RPTOR: variants seen among roughly 807,000 people sequenced by gnomAD.
The protein encoded by RPTOR is regulatory associated protein of MTOR complex 1.
A neutral mutation model predicts 169.9 loss-of-function variants in RPTOR; 21 were observed. That is an observed-to-expected ratio of 0.12 (90% CI 0.09 to 0.18). RPTOR has a LOEUF of 0.18. Among genes scored for constraint, RPTOR ranks in the 10% least tolerant of loss-of-function variants. The probability of loss-of-function intolerance (pLI) is 1.00; values close to 1 mark genes in which losing one functional copy is unlikely to be tolerated. For synonymous variants in RPTOR, 732 were observed against 753.2 expected (o/e 0.97, Z 0.46); for missense variants, 1,133 against 1,855.9 (o/e 0.61, Z 7.16).
chr17:80,546,293 C>A (rs1789942186), intron 1 of RPTOR, among the ~76,000 whole-genome samples: 1 of 152,246 alleles, frequency 6.6e-6, no homozygotes, highest in African/African-American at 2.4e-5. Context: ...CACTGAACTT[C>A]ATTCTAGTCT....
intron 13 of RPTOR, among the ~76,000 whole-genome samples, chr17:80,859,457 T>TC (rs1195929577): frequency 1.3e-5 from 2 of 152,202 alleles, no homozygotes; most frequent in African/African-American, 4.8e-5. Context: ...CCTTTAGCTG[T>TC]CCGTGTGCGG....
chr17:80,687,629 T>G (rs2065958646), intron 3 of RPTOR, among the ~76,000 whole-genome samples: 2 of 152,070 alleles, frequency 1.3e-5, no homozygotes. Flanking sequence ...GGTGTCTGCG[T>G]GGAGAAATGC....
At chr17:80,962,694 C>A in intron 32 of RPTOR, 117 bp downstream of exon 32, 1 of 1,117,952 alleles carries the variant, frequency 8.9e-7, no homozygotes, top group Non-Finnish European at 1.3e-6. Context: ...GAGGATTTCA[C>A]TGCTGTGGGG....
rs1193416021 is a variant in RPTOR at position 80,625,964 on chromosome 17, C to T, written c.265+171C>T. ...CTTTGAGTAATTTCCGATGCGCTCA[C>T]CTGTGATTGGTAGTGGAGAGAGTGT... is the stretch of plus-strand genomic sequence containing the variant. On this transcript the variant is annotated intron_variant, in intron 2 of 33. Coordinates refer to ENST00000306801, the MANE Select transcript of RPTOR (RefSeq NM_020761.3). 3.9e-5 allele frequency among the ~76,000 whole-genome samples: 6 copies of T among 152,318 alleles called. No homozygotes were observed. The East Asian group carries it at 1.2e-3, about 29-fold the overall frequency.
At chr17:80,918,499 G>GA (rs1567986206) in intron 21 of RPTOR, among the ~76,000 whole-genome samples, 10 of 21,280 alleles carry the variant, frequency 4.7e-4, no homozygotes, top group African/African-American at 1.3e-3. Context: ...CCCTCGCGGG[G>GA]GTCATAGCCA....
intron 1 of RPTOR, among the ~76,000 whole-genome samples, chr17:80,614,274 T>C (rs1249838166): frequency 6.6e-6 from 1 of 152,242 alleles, no homozygotes; most frequent in Non-Finnish European, 1.5e-5. Context: ...AGGGGGCCTG[T>C]CCTCAGTGTT....
chr17:80,918,524 GGGGTC>G (rs1237359985), intron 21 of RPTOR, among the ~76,000 whole-genome samples: 2 of 70,078 alleles, frequency 2.9e-5, no homozygotes, highest in Non-Finnish European at 6.4e-5. Flanking sequence ...CACCCTCGCG[GGGGTC>G]ATAGCCATGA....
intron 9 of RPTOR, among the ~76,000 whole-genome samples, chr17:80,836,210 A>G (rs115091047): frequency 3.9e-4 from 60 of 152,352 alleles, no homozygotes; most frequent in African/African-American, 1.3e-3. Context: ...GCTAGTGGGT[A>G]GCAGAGCTGG....
intron 3 of RPTOR, among the ~76,000 whole-genome samples, chr17:80,673,705 T>C (rs1345105138): frequency 6.6e-6 from 1 of 152,218 alleles, no homozygotes; most frequent in East Asian, 1.9e-4. Context: ...TTTCAATTCT[T>C]CAAAGAAATC....
chr17:80,918,251 C>G lies in RPTOR; in HGVS notation c.2521-4473C>G, dbSNP rs562090388. ...CCCAATGCTGGCCCGTGGGCCCCTG[C>G]CCAGCTAGAGCAGAGGCACCCCTGG... On this transcript the variant is annotated intron_variant, in intron 21 of 33. Coordinates refer to ENST00000306801, the MANE Select transcript of RPTOR (RefSeq NM_020761.3). Among the ~76,000 whole-genome samples the G allele has an allele frequency of 3.9e-5, 6 of 152,338 alleles. No homozygotes were observed. In the East Asian group the frequency reaches 1.2e-3, roughly 29 times the overall value.
At chr17:80,892,937 C>CT in intron 19 of RPTOR, 68 bp downstream of exon 19, 2 of 1,559,734 alleles carry the variant, frequency 1.3e-6, no homozygotes, top group Non-Finnish European at 1.7e-6. Context: ...AACACTGTAT[C>CT]TGAGTAAGCA....
intron 24 of RPTOR, among the ~76,000 whole-genome samples, chr17:80,930,276 T>A (rs2068867266): frequency 5.4e-5 from 1 of 18,584 alleles, no homozygotes; most frequent in South Asian, 1.6e-3. Context: ...CCTCAGCTCA[T>A]CCCCTGCTCA....
chr17:80,663,248 T>A (rs1217270467), intron 3 of RPTOR, among the ~76,000 whole-genome samples: 1 of 152,168 alleles, frequency 6.6e-6, no homozygotes, highest in Admixed American at 6.5e-5. Context: ...CTTTTAGGGA[T>A]AAAGCTGCCA....
chr17:80,915,765 C>T (rs2068665974), intron 21 of RPTOR, among the ~76,000 whole-genome samples: 6 of 127,652 alleles, frequency 4.7e-5, no homozygotes, highest in African/African-American at 1.8e-4. Flanking sequence ...AGAGGAGCTA[C>T]CCACTCCAGG....
At chr17:80,623,347 A>T (rs1013443268) in intron 1 of RPTOR, among the ~76,000 whole-genome samples, 1 of 152,224 alleles carries the variant, frequency 6.6e-6, no homozygotes, top group Admixed American at 6.5e-5. Flanking sequence ...TTTTTCTTAT[A>T]TATCAGCAAT....
chr17:80,605,587 C>T (rs919257806), intron 1 of RPTOR, among the ~76,000 whole-genome samples: 9 of 152,102 alleles, frequency 5.9e-5, no homozygotes, highest in African/African-American at 1.7e-4. Context: ...TGGGGCATAC[C>T]GGCTGCAAAA....
At chr17:80,644,273 C>G (rs1263190786) in intron 3 of RPTOR, among the ~76,000 whole-genome samples, 1 of 115,746 alleles carries the variant, frequency 8.6e-6, no homozygotes, top group Non-Finnish European at 1.8e-5. Context: ...AGATAAGGTT[C>G]TTTTTAGGGA....
intron 21 of RPTOR, among the ~76,000 whole-genome samples, chr17:80,919,935 G>A (rs1416266328): frequency 1.3e-5 from 2 of 152,254 alleles, no homozygotes; most frequent in Admixed American, 6.5e-5. Flanking sequence ...TGTACATGCT[G>A]AGAAGGGCGC....
intron 5 of RPTOR, among the ~76,000 whole-genome samples, chr17:80,736,910 G>A (rs2066438038): frequency 6.6e-6 from 1 of 152,212 alleles, no homozygotes; most frequent in African/African-American, 2.4e-5. Context: ...GATTCCACAG[G>A]AGCTCAGGCT....
Sources: allele counts gnomAD v4.1 joint callset (sites outside exome capture counted in the v4.1 genomes callset), GRCh38; gene constraint gnomAD v4.1.1; transcripts MANE v1.5; gene names NCBI Gene and HGNC (gene_info 2026-07-23, HGNC 2026-07-21).